DPP10: variants seen among roughly 807,000 people sequenced by gnomAD.
DPP10 encodes dipeptidyl peptidase like 10.
In DPP10, 33 loss-of-function variants were observed where a neutral mutation model predicts 120.9. The ratio of observed to expected loss-of-function variants is 0.27; its 90% CI spans 0.21 to 0.37. The LOEUF is 0.37. DPP10 is among the 10% of genes least tolerant of loss of function. The pLI is 1.00. For synonymous variants in DPP10, 337 were observed against 326.1 expected (o/e 1.03, Z -0.36); for missense variants, 816 against 942.8 (o/e 0.87, Z 1.76).
Position 114,993,580 on chromosome 2 carries a change from G to GTGTATATATATATA in DPP10, c.61-315658_61-315657insGTATATATATATAT, listed in dbSNP as rs71394121. Among the ~76,000 whole-genome samples, 598 of 97,288 alleles carry GTGTATATATATATA rather than the reference G, an allele frequency of 6.1e-3. 5 individuals are homozygous for GTGTATATATATATA. The highest frequency in any genetic ancestry group is 0.013 in the Middle Eastern group (2 of 154). The allele number at this position is 97,288 out of a possible 152,430, so 63.8% of individuals were successfully genotyped here. ...ATTCTTATTATGTGTGTGTGTGTGTGTATATATATATATATATATATATAT... is the reference window on the plus strand; with the variant it reads ...ATTCTTATTATGTGTGTGTGTGTGTGTGTATATATATATATATATATATATATATATATATATAT... On this transcript the variant is annotated intron_variant, in intron 1 of 25. Coordinates refer to ENST00000410059, the MANE Select transcript of DPP10 (RefSeq NM_020868.6).
intron 15 of DPP10, 38 bp downstream of exon 15, chr2:115,777,872 T>A (rs375940366): frequency 2.1e-4 from 335 of 1,592,924 alleles, no homozygotes; most frequent in Non-Finnish European, 5.9e-5. Context: ...ACAGATTGGC[T>A]TCTCAATGGC....
chr2:115,268,278 G>A (rs1184966176), intron 1 of DPP10, among the ~76,000 whole-genome samples: 1 of 151,836 alleles, frequency 6.6e-6, no homozygotes, highest in African/African-American at 2.4e-5. Flanking sequence ...GTTTATAGGG[G>A]AAAAAAAATT....
At chr2:115,384,500 A>C (rs1010764504) in intron 3 of DPP10, among the ~76,000 whole-genome samples, 1 of 148,568 alleles carries the variant, frequency 6.7e-6, no homozygotes, top group Admixed American at 6.7e-5. Flanking sequence ...AGAAGAGGAA[A>C]AGAAGAAGAA....
chr2:115,602,578 T>G (rs1358257882), intron 5 of DPP10, among the ~76,000 whole-genome samples: 2 of 152,186 alleles, frequency 1.3e-5, no homozygotes, highest in Non-Finnish European at 2.9e-5. Context: ...ATTCTTCTCT[T>G]TCATGTAAAG....
At chr2:115,768,967 TAA>T (rs1054800569) in intron 13 of DPP10, among the ~76,000 whole-genome samples, 1 of 151,718 alleles carries the variant, frequency 6.6e-6, no homozygotes, top group African/African-American at 2.4e-5. Context: ...GACTTTCCGA[TAA>T]AAAGAGGGGA....
At chr2:115,702,796 G>A (rs1323458770) in intron 7 of DPP10, among the ~76,000 whole-genome samples, 1 of 152,092 alleles carries the variant, frequency 6.6e-6, no homozygotes, top group African/African-American at 2.4e-5. Flanking sequence ...GCACACATCT[G>A]TGCATACAAT....
intron 20 of DPP10, 56 bp from the exon 21 acceptor site, chr2:115,815,613 ATATATT>A: frequency 7.0e-7 from 1 of 1,422,240 alleles, no homozygotes; most frequent in Non-Finnish European, 9.7e-7. Flanking sequence ...CATGCCAACT[ATATATT>A]TATATTTGCA....
chr2:114,504,528 G>A (rs1683466487), intron 1 of DPP10, among the ~76,000 whole-genome samples: 2 of 151,554 alleles, frequency 1.3e-5, no homozygotes, highest in Admixed American at 6.6e-5. Context: ...TTTCCCAAGA[G>A]TACCCACCCC....
At chr2:114,976,431 G>T (rs959052050) in intron 1 of DPP10, among the ~76,000 whole-genome samples, 1 of 152,102 alleles carries the variant, frequency 6.6e-6, no homozygotes, top group East Asian at 1.9e-4. Context: ...CATTGGGCAG[G>T]TAATTTTTTC....
chr2:114,475,306 T>TA (rs1187391483), intron 1 of DPP10, among the ~76,000 whole-genome samples: 1 of 152,208 alleles, frequency 6.6e-6, no homozygotes, highest in East Asian at 1.9e-4. Flanking sequence ...TGCTATATAA[T>TA]ATTTACCGAT....
chr2:114,942,322 C>CATATATATATATATATATATAT (rs1696993617), intron 1 of DPP10, among the ~76,000 whole-genome samples: 5 of 102,426 alleles, frequency 4.9e-5, no homozygotes, highest in Non-Finnish European at 9.4e-5. Context: ...TATATATATA[C>CATATATATATATATATATATAT]ACACACATAT....
At chr2:114,532,398 C>T (rs899378337) in intron 1 of DPP10, among the ~76,000 whole-genome samples, 1 of 150,454 alleles carries the variant, frequency 6.6e-6, no homozygotes, top group African/African-American at 2.5e-5. Flanking sequence ...CTTGAGAACC[C>T]AGACTGATAT....
In DPP10 at chr2:115,498,021, A is replaced by T. The variant is rs142665442; in HGVS notation, c.272-1489A>T. On this transcript the variant is annotated intron_variant, in intron 3 of 25. Transcript: ENST00000410059. ...GAAGGTGATACAGGCCTTAATTTAA[A>T]GATCATATAGAACTATCAGTCCATA... Among the ~76,000 whole-genome samples the T allele has an allele frequency of 3.7e-3, 549 of 149,368 alleles. 3 individuals carry two copies. The highest frequency in any genetic ancestry group is 0.013 in the African/African-American group (537 of 41,464).
intron 1 of DPP10, among the ~76,000 whole-genome samples, chr2:114,784,873 A>G (rs538187452): frequency 1.3e-5 from 2 of 152,348 alleles, no homozygotes; most frequent in Admixed American, 6.5e-5. Flanking sequence ...ACTGAGCTGT[A>G]AAAGGAAGAT....
intron 1 of DPP10, among the ~76,000 whole-genome samples, chr2:114,737,146 T>A (rs1044466874): frequency 8.5e-5 from 13 of 152,190 alleles, no homozygotes; most frequent in African/African-American, 2.9e-4. Flanking sequence ...TGTTTAGTGG[T>A]AATTAGGACC....
At chr2:115,708,064 C>A (rs2092190872) in intron 7 of DPP10, among the ~76,000 whole-genome samples, 1 of 151,880 alleles carries the variant, frequency 6.6e-6, no homozygotes, top group Non-Finnish European at 1.5e-5. Context: ...TGATCACATA[C>A]AATGGCATGA....
intron 1 of DPP10, among the ~76,000 whole-genome samples, chr2:115,271,115 T>C (rs543096521): frequency 2.0e-5 from 3 of 152,364 alleles, no homozygotes; most frequent in Middle Eastern, 3.4e-3. Context: ...AATTTGCATT[T>C]AGGTATGTGT....
At chr2:115,256,128 G>T (rs943959763) in intron 1 of DPP10, among the ~76,000 whole-genome samples, 1 of 152,172 alleles carries the variant, frequency 6.6e-6, no homozygotes, top group Non-Finnish European at 1.5e-5. Context: ...TCACAGTTCA[G>T]CATGGCTGGG....
intron 1 of DPP10, among the ~76,000 whole-genome samples, chr2:114,629,538 C>T (rs1425362966): frequency 1.1e-4 from 17 of 152,056 alleles, no homozygotes; most frequent in Non-Finnish European, 1.5e-5. Flanking sequence ...AGAAGTTTGC[C>T]TTTATTAATA....
Sources: gnomAD v4.1 joint callset for allele counts (sites outside exome capture counted in the v4.1 genomes callset) on GRCh38, gnomAD v4.1.1 for gene constraint, MANE v1.5 for transcripts, NCBI Gene and HGNC (gene_info 2026-07-23, HGNC 2026-07-21) for gene names.